Variants in COL11A1 observed in about 807,000 individuals in gnomAD.
COL11A1 encodes the protein collagen alpha-1(XI) chain.
Under a neutral mutation model 265.2 loss-of-function variants are expected in COL11A1, and 74 were observed. The ratio of observed to expected loss-of-function variants is 0.28; its 90% CI spans 0.23 to 0.34. COL11A1 has a LOEUF of 0.34. Among genes scored for constraint, COL11A1 ranks in the 10% least tolerant of loss-of-function variants. The pLI is 1.00. For missense variants in COL11A1, 2,165 were observed against 2,263.6 expected (o/e 0.96, Z 0.88); for synonymous variants, 816 against 727.6 (o/e 1.12, Z -1.96).
rs139131809 is a variant in COL11A1, at chr1:103,013,085, C to T, written c.1573-616G>A. ...CATACTTGAAAAGCTGAAACACATA[C>T]AGTACAAAAGATAAAAATTTGATAG... is the stretch of plus-strand genomic sequence containing the variant. On this transcript the variant is annotated intron_variant, in intron 13 of 66. Coordinates refer to ENST00000370096, the MANE Select transcript of COL11A1 (RefSeq NM_001854.4). Among the ~76,000 whole-genome samples, 417 of 152,112 alleles carry T rather than the reference C, an allele frequency of 2.7e-3. 2 individuals are homozygous for T. Among genetic ancestry groups the T allele is most frequent in the Non-Finnish European group, 4.7e-3 (320 of 67,926 alleles).
At chr1:103,025,881 A>G in intron 6 of COL11A1, 1 of 1,613,262 alleles carries the variant, frequency 6.2e-7, no homozygotes, top group Non-Finnish European at 8.5e-7. Context: ...TGGGGGGTGT[A>G]AACTTTTTGG....
At chr1:103,046,771 T>G (rs1356470720) in intron 4 of COL11A1, among the ~76,000 whole-genome samples, 5 of 151,204 alleles carry the variant, frequency 3.3e-5, no homozygotes, top group Non-Finnish European at 7.4e-5. Context: ...CCATCTTGAA[T>G]TGATTTTTGT....
At chr1:102,936,358 A>G (rs188761667) in intron 44 of COL11A1, among the ~76,000 whole-genome samples, 1 of 151,364 alleles carries the variant, frequency 6.6e-6, no homozygotes, top group Admixed American at 6.6e-5. Flanking sequence ...CGGCTGACAG[A>G]AAAACTATGA....
At chr1:103,042,547 C>A (rs1037036629) in intron 4 of COL11A1, among the ~76,000 whole-genome samples, 1 of 151,980 alleles carries the variant, frequency 6.6e-6, no homozygotes, top group African/African-American at 2.4e-5. Context: ...GGTTGGTTTC[C>A]GGGACAGACA....
intron 36 of COL11A1, among the ~76,000 whole-genome samples, chr1:102,970,532 T>C (rs142442557): frequency 6.6e-6 from 1 of 152,348 alleles, no homozygotes; most frequent in African/African-American, 2.4e-5. Flanking sequence ...GCATCAATCA[T>C]TTGTAAAATA....
At chr1:103,042,774 G>C (rs1029382530) in intron 4 of COL11A1, among the ~76,000 whole-genome samples, 2 of 151,692 alleles carry the variant, frequency 1.3e-5, no homozygotes, top group African/African-American at 4.9e-5. Flanking sequence ...CTAATTACTA[G>C]ATTTCCCAGC....
At chr1:102,971,821 G>T (rs573103053) in intron 36 of COL11A1, among the ~76,000 whole-genome samples, 11 of 152,116 alleles carry the variant, frequency 7.2e-5, no homozygotes, top group Middle Eastern at 6.8e-3. Flanking sequence ...GGCTTGCTCA[G>T]TGACTTCTTC....
At chr1:103,014,212 G>A (rs902143480) in intron 13 of COL11A1, among the ~76,000 whole-genome samples, 7 of 152,004 alleles carry the variant, frequency 4.6e-5, no homozygotes, top group African/African-American at 1.7e-4. Flanking sequence ...GGTGCACTAG[G>A]TGTAAATATA....
intron 10 of COL11A1, 60 bp from the exon 11 acceptor site, chr1:103,017,942 T>A (rs2101915468): frequency 7.7e-7 from 1 of 1,302,752 alleles, no homozygotes; most frequent in Non-Finnish European, 1.1e-6. Flanking sequence ...TTTAGATGAA[T>A]TCACTCTAGT....
intron 1 of COL11A1, among the ~76,000 whole-genome samples, chr1:103,104,863 C>G (rs910063807): frequency 6.6e-6 from 1 of 152,198 alleles, no homozygotes; most frequent in East Asian, 1.9e-4. Flanking sequence ...TGGACAAATT[C>G]GATCTCTTTG....
At position 102,965,533 on chromosome 1, in the gene COL11A1, T is replaced by C; in HGVS notation, c.2870A>G (p.Gln957Arg). The C allele has an allele frequency of 6.2e-7, 1 of 1,613,520 alleles. No individual in the cohort carries two copies. Among genetic ancestry groups the C allele is most frequent in the African/African-American group, 1.3e-5 (1 of 75,036 alleles). ...HPGQRGETGF[Q>R]GKTGPPGPGG... ...TGGCCCAGGAGGGCCGGTCTTGCCT[T>C]GAAATCCCTAAGGAGGCAAAGTATT... The change falls in exon 38 of 67, where the codon CAA (glutamine) becomes CGA (arginine). Residue 957 changes from glutamine to arginine, a missense_variant. Physicochemically the swap from Gln to Arg is conservative, Grantham distance 43. Coordinates refer to ENST00000370096, the MANE Select transcript of COL11A1 (RefSeq NM_001854.4).
In COL11A1 at chr1:102,890,438, C is replaced by A. The variant is rs377662745; in HGVS notation, c.4356+13G>T. On this transcript the variant is annotated intron_variant, in intron 58 of 66. Transcript: ENST00000370096. The stretch of plus-strand genomic sequence containing the variant: ...CATATTCTTTTATTAATAACACATT[C>A]TTTTATTCTCACCTTTTCACCCTTG... The A allele has an allele frequency of 4.4e-6, 7 of 1,602,662 alleles. No homozygotes were observed. The African/African-American group carries it at 6.7e-5, about 15-fold the overall frequency.
chr1:103,089,255 T>A (rs1673114161), intron 1 of COL11A1, among the ~76,000 whole-genome samples: 1 of 152,178 alleles, frequency 6.6e-6, no homozygotes, highest in Admixed American at 6.5e-5. Flanking sequence ...TGAAACTCGG[T>A]GGCTTCAGAC....
Position 103,031,249 on chromosome 1 carries a change from G to GGAA in COL11A1, c.652-6_652-5insTTC, listed in dbSNP as rs749687230. The GGAA allele has an allele frequency of 6.7e-4, 912 of 1,363,442 alleles. 3 individuals are homozygous for GGAA. The African/African-American group carries it at 0.011, about 17-fold the overall frequency. The allele number at this position is 1,363,442 out of a possible 1,614,324, so 84.5% of individuals were successfully genotyped here. On this transcript the variant is annotated splice_polypyrimidine_tract_variant and splice_region_variant and intron_variant, in intron 4 of 66. Coordinates refer to ENST00000370096, the MANE Select transcript of COL11A1 (RefSeq NM_001854.4). ...CAAAAACTGCTGAATGTCCCCCTGG[G>GGAA]AAAAAAAAAAAAACAAAAACAAACA...
chr1:102,929,800 A>T (rs7413840), intron 46 of COL11A1, among the ~76,000 whole-genome samples: 142,685 of 152,178 alleles, frequency 0.94, 66,934 homozygotes, highest in East Asian at 1. Flanking sequence ...CTTGAAGAGG[A>T]CCTTCACATC....
At chr1:102,991,737 A>T (rs1194341558) in intron 28 of COL11A1, among the ~76,000 whole-genome samples, 1 of 152,164 alleles carries the variant, frequency 6.6e-6, no homozygotes, top group Non-Finnish European at 1.5e-5. Flanking sequence ...AAGTCCAGAA[A>T]ATACCAAATA....
rs149842131 is a variant in COL11A1, at chr1:102,976,289, C to CTTTTTTTTTTTTTTTTTTTTTTTT, written c.2755-1430_2755-1407dup. On this transcript the variant is annotated intron_variant, in intron 35 of 66. Transcript: ENST00000370096. Reference sequence around the variant, plus strand: ...TATAAAATTTCACAGAAAACGTTGGCTTTTTTTTTTTTTTTTTTTTTTTTT... The same window carrying CTTTTTTTTTTTTTTTTTTTTTTTT: ...TATAAAATTTCACAGAAAACGTTGGCTTTTTTTTTTTTTTTTTTTTTTTTTTTTTTTTTTTTTTTTTTTTTTTTT... 7.0e-4 allele frequency among the ~76,000 whole-genome samples: 41 copies of CTTTTTTTTTTTTTTTTTTTTTTTT among 58,602 alleles called. 12 individuals carry two copies. The highest frequency in any genetic ancestry group is 0.018 in the Middle Eastern group (1 of 56). 38.4% of individuals were successfully genotyped at this position (58,602 alleles called of 152,430 possible).
At position 103,019,913 on chromosome 1, in the gene COL11A1, T is replaced by G. The variant is rs1489936816; in HGVS notation, c.1309-1054A>C. 4.7e-5 allele frequency among the ~76,000 whole-genome samples: 7 copies of G among 149,522 alleles called. No individual in the cohort carries two copies. In the East Asian group the frequency reaches 1.2e-3, roughly 25 times the overall value. ...TTCATCCATGTCCCTACAAAGGACA[T>G]GAACTCATCATTTTTTATGGCTGCA... On this transcript the variant is annotated intron_variant, in intron 9 of 66. Coordinates refer to ENST00000370096, the MANE Select transcript of COL11A1 (RefSeq NM_001854.4).
chr1:102,896,105 C>T (rs1652390150), intron 57 of COL11A1, among the ~76,000 whole-genome samples: 1 of 151,560 alleles, frequency 6.6e-6, no homozygotes, highest in Admixed American at 6.6e-5. Context: ...TTAAGAACCC[C>T]ATGGGGTAGA....
Sources: allele counts gnomAD v4.1 joint callset (sites outside exome capture counted in the v4.1 genomes callset), GRCh38; gene constraint gnomAD v4.1.1; transcripts MANE v1.5; gene names NCBI Gene and HGNC (gene_info 2026-07-23, HGNC 2026-07-21).